Variants in DGCR2 observed in about 807,000 individuals in gnomAD.
DGCR2 encodes integral membrane protein DGCR2/IDD.
In DGCR2, 24 loss-of-function variants were observed where a neutral mutation model predicts 51.6. The observed-to-expected ratio is 0.47, with a 90% CI of 0.34 to 0.65. DGCR2 has a LOEUF of 0.65. Ranked by LOEUF, DGCR2 falls within the 30% of genes least tolerant of loss-of-function variation. DGCR2 has a pLI of 0.01. For missense variants in DGCR2, 765 were observed against 772.1 expected, an observed-to-expected ratio of 0.99 and a Z score of 0.11; for synonymous variants, 340 against 315.4, an observed-to-expected ratio of 1.08 and a Z score of -0.82.
At chr22:19,111,984 A>G (rs2083320620) in intron 1 of DGCR2, among the ~76,000 whole-genome samples, 1 of 152,128 alleles carries the variant, frequency 6.6e-6, no homozygotes, top group Admixed American at 6.5e-5. Context: ...TAAAATATCT[A>G]TTTATTGGCT....
chr22:19,063,664 T>TCCAC (rs2082714093), intron 4 of DGCR2, among the ~76,000 whole-genome samples: 3 of 152,060 alleles, frequency 2.0e-5, no homozygotes, highest in Non-Finnish European at 2.9e-5. Context: ...ACTGAGCTTC[T>TCCAC]AACATGAGAC....
intron 1 of DGCR2, among the ~76,000 whole-genome samples, chr22:19,095,022 T>C (rs2525036): frequency 0.41 from 62,674 of 152,102 alleles, 13,369 homozygotes; most frequent in African/African-American, 0.53. Context: ...ACGCTGTGTT[T>C]GTTATCTTGA....
Position 19,089,371 on chromosome 22 carries a change from G to A in DGCR2, c.199C>T (p.Pro67Ser). The A allele has an allele frequency of 6.2e-7, 1 of 1,605,104 alleles. No homozygotes were observed. The highest frequency in any genetic ancestry group is 8.5e-7 in the Non-Finnish European group (1 of 1,175,222). Reference sequence around the variant, plus strand: ...CCCGCCTACTCAACACACTCACCTGGACAGTTGGCTTCGTCGCTCTCATCC... The same window carrying A: ...CCCGCCTACTCAACACACTCACCTGAACAGTTGGCTTCGTCGCTCTCATCC... ...CEDESDEANC[P>S]EVTGEVRPHH... The change falls in exon 2 of 10, where the codon CCA (proline) becomes TCA (serine). Residue 67 changes from proline to serine, a missense_variant. By Grantham distance (74) the Pro-to-Ser change is moderately conservative. Coordinates refer to ENST00000263196, the MANE Select transcript of DGCR2 (RefSeq NM_005137.3).
At chr22:19,103,862 A>G (rs1291573526) in intron 1 of DGCR2, among the ~76,000 whole-genome samples, 2 of 151,762 alleles carry the variant, frequency 1.3e-5, no homozygotes, top group African/African-American at 2.4e-5. Context: ...CCTGGGCAAC[A>G]TAGCCAGACC....
At chr22:19,049,097 C>T (rs1182395081) in intron 6 of DGCR2, among the ~76,000 whole-genome samples, 1 of 152,216 alleles carries the variant, frequency 6.6e-6, no homozygotes, top group East Asian at 1.9e-4. Flanking sequence ...GGATGGAGCA[C>T]AATGCCAGAC....
intron 7 of DGCR2, chr22:19,048,217 A>AC (rs1380978463): frequency 3.4e-6 from 2 of 589,562 alleles, no homozygotes; most frequent in African/African-American, 1.9e-5. Flanking sequence ...GCTGCCTGTC[A>AC]CCCCAGAATG....
At chr22:19,080,866 T>A (rs1279079694) in intron 2 of DGCR2, among the ~76,000 whole-genome samples, 1 of 152,148 alleles carries the variant, frequency 6.6e-6, no homozygotes, top group Non-Finnish European at 1.5e-5. Context: ...CATCTTATGG[T>A]AGCAGAAAGA....
intron 1 of DGCR2, among the ~76,000 whole-genome samples, chr22:19,110,276 A>G (rs542819397): frequency 2.8e-4 from 43 of 152,334 alleles, no homozygotes; most frequent in Non-Finnish European, 4.9e-4. Flanking sequence ...GGTGGCAGTG[A>G]TAAGACAGCA....
chr22:19,119,735 C>CCA (rs2083411267), intron 1 of DGCR2, among the ~76,000 whole-genome samples: 1 of 78,156 alleles, frequency 1.3e-5, no homozygotes, highest in Non-Finnish European at 2.5e-5. Context: ...GACTCTGTCT[C>CCA]AAAAAAAAAA....
intron 6 of DGCR2, chr22:19,056,563 A>AC: frequency 3.1e-5 from 11 of 359,772 alleles, no homozygotes; most frequent in Non-Finnish European, 5.0e-5. Context: ...ATAAAAAAAA[A>AC]AAAACACACA....
chr22:19,039,046 C>A lies in DGCR2; in HGVS notation c.1472G>T (p.Arg491Leu). ...GDGGSEGALL[R>L]RLEQPLPTAG... ...AGTGGGCAGAGGCTGCTCCAGGCGCCGGAGTAATGCACCTTCACTCCCACC... is the reference window on the plus strand; with the variant it reads ...AGTGGGCAGAGGCTGCTCCAGGCGCAGGAGTAATGCACCTTCACTCCCACC... Residue 491 changes from arginine (R) to leucine (L), a missense_variant, in exon 10 of 10, where the codon CGG (arginine) becomes CTG (leucine). This residue lies in a region of DGCR2 where 205 missense variants were observed against 181.4 expected (regional missense o/e 1.13). Coordinates refer to ENST00000263196, the MANE Select transcript of DGCR2 (RefSeq NM_005137.3). 1 of 1,613,080 alleles carries A rather than the reference C, an allele frequency of 6.2e-7. No individual in the cohort carries two copies. Among genetic ancestry groups the A allele is most frequent in the Non-Finnish European group, 8.5e-7 (1 of 1,179,942 alleles).
intron 2 of DGCR2, among the ~76,000 whole-genome samples, chr22:19,075,507 T>C (rs1305369154): frequency 1.3e-5 from 2 of 151,862 alleles, no homozygotes; most frequent in Non-Finnish European, 2.9e-5. Flanking sequence ...ATTAGTTCCA[T>C]AACAACCATC....
At chr22:19,043,523 T>G (rs561447528) in intron 7 of DGCR2, among the ~76,000 whole-genome samples, 2 of 152,214 alleles carry the variant, frequency 1.3e-5, no homozygotes, top group African/African-American at 4.8e-5. Flanking sequence ...CACAGAATAA[T>G]GGAACCAGGA....
intron 4 of DGCR2, among the ~76,000 whole-genome samples, chr22:19,064,115 T>C (rs966172184): frequency 5.3e-5 from 8 of 152,334 alleles, no homozygotes; most frequent in African/African-American, 1.9e-4. Flanking sequence ...TTGGCCCAGC[T>C]TTCCAGCCCC....
At chr22:19,055,946 G>T in intron 6 of DGCR2, 2 of 157,528 alleles carry the variant, frequency 1.3e-5, no homozygotes, top group South Asian at 1.9e-4. Context: ...TGTGGGTGTG[G>T]ACCCGGCAGC....
intron 5 of DGCR2, among the ~76,000 whole-genome samples, chr22:19,060,332 C>T (rs980896403): frequency 1.3e-5 from 2 of 152,132 alleles, no homozygotes; most frequent in African/African-American, 2.4e-5. Context: ...AAGAAGAAGA[C>T]GGAGACCATA....
chr22:19,042,065 C>T, intron 7 of DGCR2, 106 bp from the exon 8 acceptor site: 2 of 1,336,468 alleles, frequency 1.5e-6, no homozygotes, highest in Non-Finnish European at 2.0e-6. Context: ...GGACAAGGCA[C>T]ACAGTGTCTC....
chr22:19,103,679 C>T (rs1331468988), intron 1 of DGCR2, among the ~76,000 whole-genome samples: 3 of 145,018 alleles, frequency 2.1e-5, no homozygotes, highest in African/African-American at 7.6e-5. Flanking sequence ...CCACCTGCCT[C>T]GGCCTCCTAA....
chr22:19,074,149 G>A (rs993433485), intron 2 of DGCR2, among the ~76,000 whole-genome samples: 7 of 152,146 alleles, frequency 4.6e-5, no homozygotes, highest in African/African-American at 1.7e-4. Flanking sequence ...AACATGGCTC[G>A]GCACGGTGGC....
Sources: allele counts gnomAD v4.1 joint callset (sites outside exome capture counted in the v4.1 genomes callset), GRCh38; gene constraint gnomAD v4.1.1; regional missense constraint gnomAD v4.1.1; transcripts MANE v1.5; gene names NCBI Gene and HGNC (gene_info 2026-07-23, HGNC 2026-07-21).